The following IMMP2L variants were observed in gnomAD, a reference collection of about 807,000 sequenced individuals.
IMMP2L encodes mitochondrial inner membrane protease subunit 2.
In IMMP2L, 18 loss-of-function variants were observed where a neutral mutation model predicts 19.3. That is an observed-to-expected ratio of 0.93 (90% CI 0.64 to 1.38). IMMP2L has a LOEUF of 1.38. Ranked by LOEUF, IMMP2L falls within the 40% of genes most tolerant of loss-of-function variation. The pLI is 0.00. For missense variants in IMMP2L, 233 were observed against 218.2 expected (o/e 1.07, Z -0.43); for synonymous variants, 76 against 73.0 (o/e 1.04, Z -0.21).
At chr7:111,143,099 A>G (rs571599828) in intron 3 of IMMP2L, among the ~76,000 whole-genome samples, 1 of 152,286 alleles carries the variant, frequency 6.6e-6, no homozygotes, top group East Asian at 1.9e-4. Flanking sequence ...ATTTGCAGAT[A>G]TCATGAAAAA....
intron 3 of IMMP2L, among the ~76,000 whole-genome samples, chr7:111,413,697 A>C (rs561981823): frequency 6.6e-6 from 1 of 151,956 alleles, no homozygotes; most frequent in African/African-American, 2.4e-5. Flanking sequence ...GTTGAAACAG[A>C]AAGTGTGCCA....
At chr7:111,140,997 A>C (rs1171633067) in intron 3 of IMMP2L, among the ~76,000 whole-genome samples, 1 of 152,198 alleles carries the variant, frequency 6.6e-6, no homozygotes, top group African/African-American at 2.4e-5. Flanking sequence ...GAAGTGGTTT[A>C]AGAATTATGA....
intron 3 of IMMP2L, among the ~76,000 whole-genome samples, chr7:111,141,895 G>A (rs1230554143): frequency 2.0e-5 from 3 of 152,028 alleles, no homozygotes; most frequent in East Asian, 3.9e-4. Flanking sequence ...GTAGAGACAG[G>A]GTCTCACTAT....
At chr7:111,158,969 T>A (rs926828079) in intron 3 of IMMP2L, among the ~76,000 whole-genome samples, 3 of 152,178 alleles carry the variant, frequency 2.0e-5, no homozygotes, top group Non-Finnish European at 4.4e-5. Context: ...ATGCTTAATA[T>A]CCACATACTT....
chr7:111,218,927 C>A (rs1812239115), intron 3 of IMMP2L, among the ~76,000 whole-genome samples: 1 of 151,786 alleles, frequency 6.6e-6, no homozygotes, highest in African/African-American at 2.4e-5. Context: ...TCTTAAAATC[C>A]CAGAGTTCTG....
chr7:111,357,857 G>A (rs1828871153), intron 3 of IMMP2L, among the ~76,000 whole-genome samples: 1 of 151,812 alleles, frequency 6.6e-6, no homozygotes, highest in African/African-American at 2.4e-5. Context: ...ATCTTCCCAT[G>A]AGCATGGAAA....
At chr7:111,170,154 G>GA (rs1202283228) in intron 3 of IMMP2L, among the ~76,000 whole-genome samples, 1 of 151,592 alleles carries the variant, frequency 6.6e-6, no homozygotes, top group Non-Finnish European at 1.5e-5. Context: ...CCATTTGGAA[G>GA]AAAAAAACCC....
At chr7:110,943,474 C>T (rs950525541) in intron 4 of IMMP2L, among the ~76,000 whole-genome samples, 5 of 151,924 alleles carry the variant, frequency 3.3e-5, no homozygotes, top group Admixed American at 2.0e-4. Flanking sequence ...GGTCATGCAG[C>T]GGCTTCTTTT....
chr7:111,186,987 T>G (rs952973508), intron 3 of IMMP2L, among the ~76,000 whole-genome samples: 2 of 152,060 alleles, frequency 1.3e-5, no homozygotes, highest in South Asian at 2.1e-4. Flanking sequence ...CAGTACAGTA[T>G]AAATTAGTCT....
At chr7:111,469,723 T>G (rs147684693) in intron 3 of IMMP2L, among the ~76,000 whole-genome samples, 406 of 152,198 alleles carry the variant, frequency 2.7e-3, no homozygotes, top group Middle Eastern at 6.8e-3. Flanking sequence ...AAAAATTAAT[T>G]CAACATGGAT....
chr7:111,517,772 G>C (rs1244526528), intron 2 of IMMP2L, among the ~76,000 whole-genome samples: 1 of 151,908 alleles, frequency 6.6e-6, no homozygotes, highest in Non-Finnish European at 1.5e-5. Flanking sequence ...CGTGTAATGT[G>C]GTGCTTCTTT....
chr7:110,850,297 C>T (rs1390173037), intron 5 of IMMP2L, among the ~76,000 whole-genome samples: 1 of 152,056 alleles, frequency 6.6e-6, no homozygotes, highest in Non-Finnish European at 1.5e-5. Flanking sequence ...ATAAGACACT[C>T]CTACCAATGC....
chr7:110,804,302 C>T (rs753134114), intron 5 of IMMP2L, among the ~76,000 whole-genome samples: 2 of 152,040 alleles, frequency 1.3e-5, no homozygotes, highest in Non-Finnish European at 2.9e-5. Flanking sequence ...AAAAGAACCT[C>T]CTATACACCA....
chr7:111,232,373 GT>G (rs373241535), intron 3 of IMMP2L, among the ~76,000 whole-genome samples: 3,042 of 133,060 alleles, frequency 0.023, 73 homozygotes, highest in African/African-American at 0.052. Context: ...ATTTTGGAGG[GT>G]TTTTTTTTTT....
chr7:111,036,645 T>G (rs1005290543), intron 3 of IMMP2L, among the ~76,000 whole-genome samples: 1 of 152,160 alleles, frequency 6.6e-6, no homozygotes, highest in African/African-American at 2.4e-5. Flanking sequence ...CATCAGTGCT[T>G]CTAGAAGCAA....
chr7:111,339,712 T>A (rs1826822231), intron 3 of IMMP2L, among the ~76,000 whole-genome samples: 1 of 152,014 alleles, frequency 6.6e-6, no homozygotes, highest in Non-Finnish European at 1.5e-5. Context: ...TTTTCAGTCC[T>A]CTATCTCATT....
At chr7:110,825,410 G>A (rs1803387548) in intron 5 of IMMP2L, among the ~76,000 whole-genome samples, 1 of 152,144 alleles carries the variant, frequency 6.6e-6, no homozygotes, top group Non-Finnish European at 1.5e-5. Flanking sequence ...CAGAGCTGGA[G>A]GCATCATGCT....
chr7:111,230,176 A>T (rs1395768556), intron 3 of IMMP2L, among the ~76,000 whole-genome samples: 1 of 152,058 alleles, frequency 6.6e-6, no homozygotes, highest in East Asian at 1.9e-4. Context: ...TGCCTAGGGC[A>T]TTTGTTTTAA....
At chr7:111,151,970 G>A (rs1586589525) in intron 3 of IMMP2L, among the ~76,000 whole-genome samples, 1 of 152,186 alleles carries the variant, frequency 6.6e-6, no homozygotes, top group South Asian at 2.1e-4. Flanking sequence ...CAATATTTGA[G>A]ATTAAGAGAG....
Sources: allele counts gnomAD v4.1 joint callset (sites outside exome capture counted in the v4.1 genomes callset), GRCh38; gene constraint gnomAD v4.1.1; transcripts MANE v1.5; gene names NCBI Gene and HGNC (gene_info 2026-07-23, HGNC 2026-07-21).